KIF1B: variants seen among roughly 807,000 people sequenced by gnomAD.
The protein encoded by KIF1B is kinesin-like protein KIF1B.
In KIF1B, 76 loss-of-function variants were observed where a neutral mutation model predicts 241.9. The ratio of observed to expected loss-of-function variants is 0.31; its 90% CI spans 0.26 to 0.38. KIF1B has a LOEUF of 0.38. Ranked by LOEUF, KIF1B falls within the 10% of genes least tolerant of loss-of-function variation. The pLI, the probability that KIF1B is intolerant of heterozygous loss-of-function variation, is 1.00. For missense variants in KIF1B, 1,622 were observed against 2,271.4 expected (o/e 0.71, Z 5.81); for synonymous variants, 750 against 796.7 (o/e 0.94, Z 0.99).
chr1:10,361,967 G>T, intron 40 of KIF1B, 142 bp downstream of exon 40: 1 of 895,636 alleles, frequency 1.1e-6, no homozygotes, highest in South Asian at 1.4e-5. Flanking sequence ...GGAATGTACT[G>T]ACTTGCATGC....
chr1:10,344,427 A>G (rs1652515328), intron 34 of KIF1B, among the ~76,000 whole-genome samples: 1 of 152,218 alleles, frequency 6.6e-6, no homozygotes, highest in Non-Finnish European at 1.5e-5. Flanking sequence ...CACATTTTCA[A>G]GGTTGTATCA....
intron 22 of KIF1B, among the ~76,000 whole-genome samples, chr1:10,300,289 T>C (rs1437934573): frequency 7.2e-6 from 1 of 139,818 alleles, no homozygotes; most frequent in Non-Finnish European, 1.6e-5. Context: ...TAAAAAATTC[T>C]TTTTTTGACA....
chr1:10,245,314 G>A (rs1456287615), intron 2 of KIF1B, among the ~76,000 whole-genome samples: 2 of 152,186 alleles, frequency 1.3e-5, no homozygotes, highest in Non-Finnish European at 2.9e-5. Flanking sequence ...GTCTTAACTT[G>A]AAACTTCTTC....
chr1:10,260,735 C>T (rs1018245302), intron 4 of KIF1B, among the ~76,000 whole-genome samples: 12 of 151,672 alleles, frequency 7.9e-5, no homozygotes, highest in Admixed American at 2.0e-4. Flanking sequence ...GGCATGGTGG[C>T]GCATGCCTGT....
At chr1:10,256,511 T>C (rs1459127198) in intron 3 of KIF1B, among the ~76,000 whole-genome samples, 188 bp downstream of exon 3, 1 of 152,128 alleles carries the variant, frequency 6.6e-6, no homozygotes. Context: ...GGAAAGTTTA[T>C]GTACACATAT....
intron 25 of KIF1B, among the ~76,000 whole-genome samples, chr1:10,324,492 C>T (rs1039789611): frequency 3.3e-5 from 5 of 152,164 alleles, no homozygotes; most frequent in Admixed American, 1.3e-4. Flanking sequence ...AGTTGACCTA[C>T]AATATTCCCC....
intron 7 of KIF1B, among the ~76,000 whole-genome samples, chr1:10,268,625 C>CTTTTTTTTTTTTTTTTTTT (rs5772405): frequency 7.7e-6 from 1 of 130,056 alleles, no homozygotes; most frequent in Non-Finnish European, 1.7e-5. Flanking sequence ...TATGTGTATT[C>CTTTTTTTTTTTTTTTTTTT]TTTTTTTTTT....
chr1:10,291,683 G>GTGGGTGA (rs2102248512), intron 16 of KIF1B, among the ~76,000 whole-genome samples: 1 of 150,866 alleles, frequency 6.6e-6, no homozygotes, highest in Admixed American at 6.6e-5. Context: ...CTGCACTGCA[G>GTGGGTGA]CCTGGGTGAC....
intron 2 of KIF1B, among the ~76,000 whole-genome samples, chr1:10,239,005 G>A (rs777142665): frequency 2.6e-5 from 4 of 151,984 alleles, no homozygotes; most frequent in Non-Finnish European, 4.4e-5. Context: ...CTGGAGTGCC[G>A]TGGTGCAATC....
At chr1:10,296,835 TTAAA>T in intron 20 of KIF1B, 58 bp from the exon 21 acceptor site, 3 of 1,482,408 alleles carry the variant, frequency 2.0e-6, no homozygotes, top group Non-Finnish European at 2.8e-6. Flanking sequence ...GGTGAGGTTG[TTAAA>T]TAGATACTAT....
chr1:10,328,506 T>G (rs1040844085), intron 27 of KIF1B, among the ~76,000 whole-genome samples: 3 of 152,256 alleles, frequency 2.0e-5, no homozygotes, highest in Non-Finnish European at 4.4e-5. Context: ...GAAGCTGATT[T>G]TTATTAAAAT....
intron 22 of KIF1B, chr1:10,308,250 A>G: frequency 9.4e-7 from 1 of 1,060,932 alleles, no homozygotes. Context: ...AGTGCAAAAC[A>G]AGCATTTGTC....
At chr1:10,354,240 C>A (rs1246400269) in intron 38 of KIF1B, among the ~76,000 whole-genome samples, 1 of 152,206 alleles carries the variant, frequency 6.6e-6, no homozygotes, top group East Asian at 1.9e-4. Flanking sequence ...TTTCTGTTCT[C>A]ATTTAAACTA....
At chr1:10,308,469 TA>T in intron 22 of KIF1B, 1 of 1,037,384 alleles carries the variant, frequency 9.6e-7, no homozygotes, top group Non-Finnish European at 1.2e-6. Context: ...CTCAATTTCT[TA>T]AACAACAACA....
At chr1:10,359,560 C>G (rs1226649536) in intron 38 of KIF1B, among the ~76,000 whole-genome samples, 2 of 151,780 alleles carry the variant, frequency 1.3e-5, no homozygotes, top group African/African-American at 2.4e-5. Flanking sequence ...ACAATAACAA[C>G]AAAATAGTTT....
At chr1:10,284,074 C>G (rs1167768101) in intron 15 of KIF1B, among the ~76,000 whole-genome samples, 1 of 152,154 alleles carries the variant, frequency 6.6e-6, no homozygotes, top group Non-Finnish European at 1.5e-5. Context: ...ATTTTACTTA[C>G]TTCAAAAGTA....
intron 24 of KIF1B, 90 bp downstream of exon 24, chr1:10,321,947 T>C: frequency 1.4e-6 from 2 of 1,425,114 alleles, no homozygotes; most frequent in South Asian, 1.2e-5. Flanking sequence ...AACCTTTCCT[T>C]TGGGGGAACT....
chr1:10,215,884 G>A (rs775433306), intron 1 of KIF1B, among the ~76,000 whole-genome samples: 2 of 152,134 alleles, frequency 1.3e-5, no homozygotes, highest in African/African-American at 2.4e-5. Context: ...TGTTGGCTTA[G>A]TTCTCTCTTT....
chr1:10,295,373 A>AT lies in KIF1B; in HGVS notation c.1670+217dup, dbSNP rs888871046. 3.3e-5 allele frequency among the ~76,000 whole-genome samples: 5 copies of AT among 151,604 alleles called. No homozygotes were observed. The East Asian group carries it at 7.8e-4, about 24-fold the overall frequency. On this transcript the variant is annotated intron_variant, in intron 18 of 48. Coordinates refer to ENST00000676179, the MANE Select transcript of KIF1B (RefSeq NM_001365951.3). ...AGTTTTTCTCTGAAGACCCTAAATAATTTTTTTTTCCTTTAACAAATATAC... is the reference window on the plus strand; with the variant it reads ...AGTTTTTCTCTGAAGACCCTAAATAATTTTTTTTTTCCTTTAACAAATATAC...
Sources: allele counts gnomAD v4.1 joint callset (sites outside exome capture counted in the v4.1 genomes callset), GRCh38; gene constraint gnomAD v4.1.1; transcripts MANE v1.5; gene names NCBI Gene and HGNC (gene_info 2026-07-23, HGNC 2026-07-21).